Variants in JAKMIP1 observed in about 807,000 individuals in gnomAD.
The protein encoded by JAKMIP1 is janus kinase and microtubule interacting protein 1, also known as janus kinase and microtubule-interacting protein 1.
JAKMIP1 carries 33 observed loss-of-function variants against 113.0 expected under a neutral mutation model. The ratio of observed to expected loss-of-function variants is 0.29; its 90% CI spans 0.22 to 0.39. The LOEUF (loss-of-function observed/expected upper bound fraction) is 0.39. Among genes scored for constraint, JAKMIP1 ranks in the 10% least tolerant of loss-of-function variants. The pLI is 1.00. For synonymous variants in JAKMIP1, 480 were observed against 459.9 expected, an observed-to-expected ratio of 1.04 and a Z score of -0.56; for missense variants, 813 against 1,080.5, an observed-to-expected ratio of 0.75 and a Z score of 3.47.
intron 2 of JAKMIP1, among the ~76,000 whole-genome samples, chr4:6,111,310 C>A (rs1421422856): frequency 6.6e-6 from 1 of 152,190 alleles, no homozygotes; most frequent in Non-Finnish European, 1.5e-5. Context: ...TTCAGATAGA[C>A]CTTCAACTGC....
Position 6,171,246 on chromosome 4 carries a change from C to T in JAKMIP1, c.-148+29007G>A, listed in dbSNP as rs981215036. On this transcript the variant is annotated intron_variant, in intron 1 of 20. Coordinates refer to ENST00000409021, the MANE Select transcript of JAKMIP1 (RefSeq NM_001099433.2). Reference sequence around the variant, plus strand: ...ACCACCATTCCCACTGCCATACCACCATCACCATCACACCTACCACTGTCC... The same window carrying T: ...ACCACCATTCCCACTGCCATACCACTATCACCATCACACCTACCACTGTCC... Among the ~76,000 whole-genome samples the T allele has an allele frequency of 4.1e-5, 6 of 146,386 alleles. No individual in the cohort carries two copies. The South Asian group carries it at 6.4e-4, about 16-fold the overall frequency.
chr4:6,177,846 C>T (rs976203757), intron 1 of JAKMIP1, among the ~76,000 whole-genome samples: 8 of 152,206 alleles, frequency 5.3e-5, no homozygotes, highest in East Asian at 1.9e-4. Context: ...CCTCTGCACA[C>T]GCTGCAGGCT....
At position 6,183,316 on chromosome 4, in the gene JAKMIP1, T is replaced by C. The variant is rs972307483; in HGVS notation, c.-148+16937A>G. On this transcript the variant is annotated intron_variant, in intron 1 of 20. Coordinates refer to ENST00000409021, the MANE Select transcript of JAKMIP1 (RefSeq NM_001099433.2). The surrounding 1 kb of genome is among the most constrained non-coding windows in gnomAD (Gnocchi z 5.3). ...CAACATGGTGAAACTCCGTCTGTAC[T>C]AAAAATACAAAAATTAGCCGGGCTT... Among the ~76,000 whole-genome samples the C allele has an allele frequency of 1.3e-5, 2 of 151,642 alleles. No individual in the cohort carries two copies. The highest frequency in any genetic ancestry group is 2.9e-5 in the Non-Finnish European group (2 of 67,916).
rs1330483296 is a variant in JAKMIP1 at position 6,036,035 on chromosome 4, G to A, written c.2248C>T (p.Leu750=). The A allele has an allele frequency of 2.6e-6, 4 of 1,554,364 alleles. No homozygotes were observed. Among genetic ancestry groups the A allele is most frequent in the Non-Finnish European group, 3.5e-6 (4 of 1,148,520 alleles). Reference sequence around the variant, plus strand: ...AGGTCCTCCCGCTGGCCCTCGCTCAGCGCCTCACCGGCCCTCCGCCCCGGC... The same window carrying A: ...AGGTCCTCCCGCTGGCCCTCGCTCAACGCCTCACCGGCCCTCCGCCCCGGC... ...QEPGRRAGEA[L]SEGQREDLQA... is the part of the protein sequence containing the mutation. The change falls in exon 19 of 21, where the codon CTG becomes TTG. Residue 750 remains leucine (L), a synonymous_variant. Transcript: ENST00000409021.
intron 1 of JAKMIP1, among the ~76,000 whole-genome samples, chr4:6,159,918 AG>A (rs1722699968): frequency 6.6e-6 from 1 of 152,202 alleles, no homozygotes; most frequent in South Asian, 2.1e-4. Context: ...TACCTGCTGT[AG>A]GGAAAGTGGG....
rs1285189981 is a variant in JAKMIP1 at position 6,176,993 on chromosome 4, C to T, written c.-148+23260G>A. ...GGCTGCAGTGAGCCATGATTTGTGC[C>T]ACTGCACTCCAGCCTGGGTGACAGA... On this transcript the variant is annotated intron_variant, in intron 1 of 20. Transcript: ENST00000409021. This position sits in a 1 kb window ranked among gnomAD's most constrained non-coding sequence, Gnocchi z 5.5. Among the ~76,000 whole-genome samples the T allele has an allele frequency of 6.6e-6, 1 of 152,118 alleles. No individual in the cohort carries two copies. Among genetic ancestry groups the T allele is most frequent in the Non-Finnish European group, 1.5e-5 (1 of 68,034 alleles).
At chr4:6,030,466 C>G (rs1452177024) in intron 19 of JAKMIP1, among the ~76,000 whole-genome samples, 2 of 152,130 alleles carry the variant, frequency 1.3e-5, no homozygotes, top group Non-Finnish European at 2.9e-5. Context: ...AGAATTAATT[C>G]CCTGGGTGGT....
At chr4:6,030,306 C>A (rs2108742326) in intron 19 of JAKMIP1, among the ~76,000 whole-genome samples, 1 of 152,218 alleles carries the variant, frequency 6.6e-6, no homozygotes, top group Non-Finnish European at 1.5e-5. Context: ...CCAGCATCCG[C>A]CCTGCCCTCT....
intron 8 of JAKMIP1, among the ~76,000 whole-genome samples, chr4:6,072,708 G>A (rs1246755987): frequency 6.6e-6 from 1 of 152,196 alleles, no homozygotes; most frequent in Admixed American, 6.5e-5. Flanking sequence ...TCACAGACTG[G>A]TGACAGCCGT....
Position 6,032,582 on chromosome 4 carries a change from C to G in JAKMIP1, c.2380-2801G>C, listed in dbSNP as rs115081267. 1.9e-3 allele frequency among the ~76,000 whole-genome samples: 287 copies of G among 152,298 alleles called. 3 individuals are homozygous for G. The highest frequency in any genetic ancestry group is 6.7e-3 in the African/African-American group (280 of 41,554). On this transcript the variant is annotated intron_variant, in intron 19 of 20. Coordinates refer to ENST00000409021, the MANE Select transcript of JAKMIP1 (RefSeq NM_001099433.2). ...ACTGAGCCCCTTCTGTGGGTCAGCC[C>G]CAGTCTGCCTCCCTGGGCTGGAATA... is the stretch of plus-strand genomic sequence containing the variant.
chr4:6,071,391 G>A (rs1399281743), intron 8 of JAKMIP1, among the ~76,000 whole-genome samples: 2 of 152,152 alleles, frequency 1.3e-5, no homozygotes, highest in Non-Finnish European at 2.9e-5. Flanking sequence ...TGGAACCTTT[G>A]CCTCAAGCCC....
chr4:6,084,178 A>G (rs538355641), intron 5 of JAKMIP1, among the ~76,000 whole-genome samples: 2 of 152,148 alleles, frequency 1.3e-5, no homozygotes, highest in East Asian at 3.9e-4. Flanking sequence ...TTAGCCGGGC[A>G]TGGTGGCACA....
In JAKMIP1 at chr4:6,193,211, C is replaced by T. The variant is rs915853213; in HGVS notation, c.-148+7042G>A. 1.3e-5 allele frequency among the ~76,000 whole-genome samples: 2 copies of T among 152,150 alleles called. No homozygotes were observed. The highest frequency in any genetic ancestry group is 2.9e-5 in the Non-Finnish European group (2 of 68,036). On this transcript the variant is annotated intron_variant, in intron 1 of 20. Coordinates refer to ENST00000409021, the MANE Select transcript of JAKMIP1 (RefSeq NM_001099433.2). This position sits in a 1 kb window ranked among gnomAD's most constrained non-coding sequence, Gnocchi z 6.4. ...CTCTTGGACCTACACCAGTGGTTTGCCAGGGGCTCTAAGGCCTTTGGCCAC... is the reference window on the plus strand; with the variant it reads ...CTCTTGGACCTACACCAGTGGTTTGTCAGGGGCTCTAAGGCCTTTGGCCAC...
In JAKMIP1 at chr4:6,187,910, G is replaced by C. The variant is rs911289687; in HGVS notation, c.-148+12343C>G. ...TTTCAATATGCCTCACGTCATTTTT[G>C]CTCCTTTATTCTTCCATTACTGCCT... On this transcript the variant is annotated intron_variant, in intron 1 of 20. Transcript: ENST00000409021. This position sits in a 1 kb window ranked among gnomAD's most constrained non-coding sequence, Gnocchi z 4.2. Among the ~76,000 whole-genome samples, 2 of 151,986 alleles carry C rather than the reference G, an allele frequency of 1.3e-5. No individual in the cohort carries two copies. Among genetic ancestry groups the C allele is most frequent in the Admixed American group, 6.5e-5 (1 of 15,272 alleles).
rs1333108261 is a variant in JAKMIP1 at position 6,137,582 on chromosome 4, T to C, written c.-147-24585A>G. On this transcript the variant is annotated intron_variant, in intron 1 of 20. Coordinates refer to ENST00000409021, the MANE Select transcript of JAKMIP1 (RefSeq NM_001099433.2). This position sits in a 1 kb window ranked among gnomAD's most constrained non-coding sequence, Gnocchi z 4.5. ...ATGGCCTCACTCGAGAGACGCTCTT[T>C]TTCAGCCAATCCACACTCTCTCCGC... Among the ~76,000 whole-genome samples, 1 of 152,156 alleles carries C rather than the reference T, an allele frequency of 6.6e-6. No homozygotes were observed. Among genetic ancestry groups the C allele is most frequent in the East Asian group, 1.9e-4 (1 of 5,184 alleles).
At position 6,042,369 on chromosome 4, in the gene JAKMIP1, T is replaced by A; in HGVS notation, c.2029-142A>T. ...AATGGGTCAGGTCATGGCACACACA[T>A]GCCTGATCTGTGGATGGCGTGGTTG... On this transcript the variant is annotated intron_variant, in intron 16 of 20. Transcript: ENST00000409021. The surrounding 1 kb of genome is among the most constrained non-coding windows in gnomAD (Gnocchi z 5.2). 1.5e-6 allele frequency: 1 copy of A among 680,528 alleles called. No homozygotes were observed. Among genetic ancestry groups the A allele is most frequent in the South Asian group, 1.7e-5 (1 of 58,628 alleles). 42.2% of individuals were successfully genotyped at this position (680,528 alleles called of 1,614,324 possible). A position where few individuals can be genotyped will look rare whatever the true frequency, so the allele number is the denominator to read the frequency against.
At chr4:6,027,536 C>T (rs1712021950) in intron 20 of JAKMIP1, among the ~76,000 whole-genome samples, 1 of 152,164 alleles carries the variant, frequency 6.6e-6, no homozygotes, top group African/African-American at 2.4e-5. Context: ...TTTCCACGGT[C>T]ACAGGCCCCG....
rs1309878192 is a variant in JAKMIP1 at position 6,105,593 on chromosome 4, C to T, written c.504G>A (p.Ala168=). The part of the protein sequence containing the change: ...LKAARKQAEE[A]LSNCMQADKT... ...TGTCAGCCTGCATGCAGTTACTGAGCGCCTCCTCTGCCTGCTTGCGCGCTG... is the reference window on the plus strand; with the variant it reads ...TGTCAGCCTGCATGCAGTTACTGAGTGCCTCCTCTGCCTGCTTGCGCGCTG... The change falls in exon 3 of 21, where the codon GCG becomes GCA. Residue 168 remains alanine, a synonymous_variant. Transcript: ENST00000409021. 1 of 1,597,476 alleles carries T rather than the reference C, an allele frequency of 6.3e-7. No individual in the cohort carries two copies.
At chr4:6,098,711 AGAAAGAAAGAAAAAGAAAGAAAGAGAAG>A (rs1391037549) in intron 3 of JAKMIP1, among the ~76,000 whole-genome samples, 689 of 16,488 alleles carry the variant, frequency 0.042, 9 homozygotes, top group Middle Eastern at 0.11. Flanking sequence ...AAAGAAAGAA[AGAAAGAAAGAAAAAGAAAGAAAGAGAAG>A]GAAGGAAGGA....
Sources: gnomAD v4.1 joint callset for allele counts (sites outside exome capture counted in the v4.1 genomes callset) on GRCh38, gnomAD v4.1.1 for gene constraint, Gnocchi (gnomAD v3.1) non-coding constraint, MANE v1.5 for transcripts, NCBI Gene and HGNC (gene_info 2026-07-23, HGNC 2026-07-21) for gene names.